Variants in PRDM11 observed in about 807,000 individuals in gnomAD.
PRDM11 encodes PR domain-containing protein 11.
Under a neutral mutation model 97.8 loss-of-function variants are expected in PRDM11, and 20 were observed. The ratio of observed to expected loss-of-function variants is 0.20; its 90% CI spans 0.14 to 0.30. The LOEUF (loss-of-function observed/expected upper bound fraction) is 0.30. PRDM11 is among the 10% of genes least tolerant of loss of function. The pLI, the probability that PRDM11 is intolerant of heterozygous loss-of-function variation, is 1.00. For synonymous variants in PRDM11, 599 were observed against 637.7 expected, an observed-to-expected ratio of 0.94 and a Z score of 0.91; for missense variants, 1,139 against 1,555.2, an observed-to-expected ratio of 0.73 and a Z score of 4.50.
At chr11:45,121,310 A>G (rs1268040863) in intron 1 of PRDM11, among the ~76,000 whole-genome samples, 1 of 152,176 alleles carries the variant, frequency 6.6e-6, no homozygotes, top group Non-Finnish European at 1.5e-5. Context: ...TGAAAGGAAA[A>G]GAATGAAAAG....
At position 45,228,410 on chromosome 11, in the gene PRDM11, T is replaced by C. The variant is rs1854330373; in HGVS notation, c.*251T>C. 1.3e-5 allele frequency: 2 copies of C among 154,614 alleles called. No homozygotes were observed. Among genetic ancestry groups the C allele is most frequent in the East Asian group, 1.9e-4 (1 of 5,282 alleles). The allele number at this position is 154,614 out of a possible 1,614,324, so 9.6% of individuals were successfully genotyped here. On this transcript the variant is annotated 3_prime_UTR_variant, in exon 8 of 8. Coordinates refer to ENST00000683152, the MANE Select transcript of PRDM11 (RefSeq NM_001384648.1). ...CAAAATTTGGCAGCTGCAACATACA[T>C]GGCAACTCATTTTCACTCACAGAAG...
chr11:45,192,304 G>A (rs759871157), intron 4 of PRDM11, among the ~76,000 whole-genome samples: 7 of 152,134 alleles, frequency 4.6e-5, no homozygotes, highest in Non-Finnish European at 7.3e-5. Flanking sequence ...GTTCTCAGAT[G>A]CAATGGATCA....
intron 1 of PRDM11, among the ~76,000 whole-genome samples, chr11:45,108,708 T>A (rs552727941): frequency 2.4e-4 from 36 of 152,262 alleles, no homozygotes; most frequent in African/African-American, 7.9e-4. Flanking sequence ...GTCTTTGAAG[T>A]CCTTGGACCC....
chr11:45,203,373 A>C (rs915233844), intron 4 of PRDM11, among the ~76,000 whole-genome samples: 1 of 152,174 alleles, frequency 6.6e-6, no homozygotes, highest in Non-Finnish European at 1.5e-5. Flanking sequence ...ACCTGAAAAA[A>C]AAACTAATTA....
At chr11:45,148,534 G>A (rs1474503740) in intron 1 of PRDM11, among the ~76,000 whole-genome samples, 1 of 152,180 alleles carries the variant, frequency 6.6e-6, no homozygotes, top group Non-Finnish European at 1.5e-5. Context: ...GGAACAGCTG[G>A]TGGCAGGGTC....
At chr11:45,150,445 C>A (rs1319390153) in intron 1 of PRDM11, among the ~76,000 whole-genome samples, 1 of 152,210 alleles carries the variant, frequency 6.6e-6, no homozygotes, top group Non-Finnish European at 1.5e-5. Flanking sequence ...CAAACACCTT[C>A]TGTTGAATCC....
In PRDM11 at chr11:45,228,719, G is replaced by C. The variant is rs1259287365; in HGVS notation, c.*560G>C. Reference sequence around the variant, plus strand: ...CTGTCTGCATTTGGGAGGCAGGGGGGTTGACCTTTCTCCCTCCCCACCTGA... The same window carrying C: ...CTGTCTGCATTTGGGAGGCAGGGGGCTTGACCTTTCTCCCTCCCCACCTGA... On this transcript the variant is annotated 3_prime_UTR_variant, in exon 8 of 8. Coordinates refer to ENST00000683152, the MANE Select transcript of PRDM11 (RefSeq NM_001384648.1). 6.6e-6 allele frequency: 1 copy of C among 152,082 alleles called. No individual in the cohort carries two copies. Among genetic ancestry groups the C allele is most frequent in the Non-Finnish European group, 1.5e-5 (1 of 68,012 alleles). 9.4% of individuals were successfully genotyped at this position (152,082 alleles called of 1,614,324 possible). A position where few individuals can be genotyped will look rare whatever the true frequency, so the allele number is the denominator to read the frequency against.
At chr11:45,122,236 C>CAGAGAG (rs1554964899) in intron 1 of PRDM11, among the ~76,000 whole-genome samples, 2,065 of 144,592 alleles carry the variant, frequency 0.014, 44 homozygotes, top group African/African-American at 0.049. Flanking sequence ...CACACACACA[C>CAGAGAG]AGAGAGAAAC....
At chr11:45,205,213 G>C (rs1269456299) in intron 5 of PRDM11, among the ~76,000 whole-genome samples, 2 of 152,240 alleles carry the variant, frequency 1.3e-5, no homozygotes, top group African/African-American at 4.8e-5. Flanking sequence ...AAAGTCTTCA[G>C]CTCAGTTTTT....
intron 1 of PRDM11, among the ~76,000 whole-genome samples, chr11:45,152,458 T>C (rs2135686819): frequency 6.6e-6 from 1 of 152,350 alleles, no homozygotes; most frequent in South Asian, 2.1e-4. Flanking sequence ...ACTTATCCCA[T>C]GCCCCATGTT....
rs552053441 is a variant in PRDM11 at position 45,126,476 on chromosome 11, G to A, written c.96+30575G>A. Among the ~76,000 whole-genome samples, 880 of 152,098 alleles carry A rather than the reference G, an allele frequency of 5.8e-3. 12 individuals carry two copies. The highest frequency in any genetic ancestry group is 0.02 in the African/African-American group (826 of 41,478). On this transcript the variant is annotated intron_variant, in intron 1 of 6. Transcript: ENST00000530656. ...GCATGGTTTTGCAGTGGCTGGTACC[G>A]GTTGTTCCTTTCCATGTTTAGTGCT...
chr11:45,162,596 G>C (rs982765539), intron 1 of PRDM11, among the ~76,000 whole-genome samples: 2 of 152,140 alleles, frequency 1.3e-5, no homozygotes, highest in Non-Finnish European at 2.9e-5. Context: ...GGCACTATCT[G>C]TGACATTTCA....
chr11:45,153,035 A>AG (rs1383402483), intron 1 of PRDM11, among the ~76,000 whole-genome samples: 8 of 152,298 alleles, frequency 5.3e-5, no homozygotes, highest in Admixed American at 1.3e-4. Context: ...GTAGTAATTG[A>AG]GGTAGGAGAG....
At chr11:45,095,411 G>C (rs988444753), upstream of PRDM11, among the ~76,000 whole-genome samples, 1 of 152,202 alleles carries the variant, frequency 6.6e-6, no homozygotes, top group Admixed American at 6.5e-5. Flanking sequence ...TGCTCATCAT[G>C]TTGGGGACAG....
chr11:45,107,254 G>A (rs535079091), intron 1 of PRDM11, among the ~76,000 whole-genome samples: 2 of 152,294 alleles, frequency 1.3e-5, no homozygotes, highest in East Asian at 3.9e-4. Context: ...CCACTCCCGG[G>A]CTCCACACTG....
intron 1 of PRDM11, among the ~76,000 whole-genome samples, chr11:45,121,684 ACAC>A (rs1852434083): frequency 1.3e-5 from 2 of 152,188 alleles, no homozygotes; most frequent in African/African-American, 4.8e-5. Context: ...ACAATAGACT[ACAC>A]AATGGGTCAT....
At chr11:45,131,438 C>T (rs1852717854) in intron 1 of PRDM11, among the ~76,000 whole-genome samples, 1 of 152,196 alleles carries the variant, frequency 6.6e-6, no homozygotes, top group Non-Finnish European at 1.5e-5. Context: ...TGGCAGATTA[C>T]AAATCAATGC....
At chr11:45,188,541 G>A (rs531223185) in intron 4 of PRDM11, among the ~76,000 whole-genome samples, 12 of 152,102 alleles carry the variant, frequency 7.9e-5, no homozygotes, top group East Asian at 1.9e-4. Flanking sequence ...CTTTGTCTTC[G>A]CTTAACCTGG....
At chr11:45,213,578 C>G in intron 5 of PRDM11, 1 of 456,554 alleles carries the variant, frequency 2.2e-6, no homozygotes, top group Non-Finnish European at 4.4e-6. Flanking sequence ...AGCTGCTGTG[C>G]TTGCCTTTTT....
Sources: gnomAD v4.1 joint callset for allele counts (sites outside exome capture counted in the v4.1 genomes callset) on GRCh38, gnomAD v4.1.1 for gene constraint, MANE v1.5 for transcripts, NCBI Gene and HGNC (gene_info 2026-07-23, HGNC 2026-07-21) for gene names.